FER: variants seen among roughly 807,000 people sequenced by gnomAD.
FER encodes tyrosine-protein kinase Fer.
Under a neutral mutation model 111.0 loss-of-function variants are expected in FER, and 63 were observed. The ratio of observed to expected loss-of-function variants is 0.57; its 90% CI spans 0.46 to 0.70. The LOEUF is 0.70. Among genes scored for constraint, FER ranks in the 30% least tolerant of loss-of-function variants. The probability of loss-of-function intolerance (pLI) is 0.00; values close to 1 mark genes in which losing one functional copy is unlikely to be tolerated. For synonymous variants in FER, 327 were observed against 313.9 expected (o/e 1.04, Z -0.44); for missense variants, 914 against 954.0 (o/e 0.96, Z 0.55).
intron 13 of FER, among the ~76,000 whole-genome samples, chr5:109,018,736 C>T (rs1338899688): frequency 6.6e-6 from 1 of 151,600 alleles, no homozygotes; most frequent in Non-Finnish European, 1.5e-5. Flanking sequence ...AATTATTTCC[C>T]ACAACATTGT....
At chr5:109,069,120 ATTTGCAAATATTAAACC>A (rs1457719639) in intron 16 of FER, among the ~76,000 whole-genome samples, 8 of 132,418 alleles carry the variant, frequency 6.0e-5, no homozygotes, top group Non-Finnish European at 1.4e-4. Flanking sequence ...TTTTCTTGAT[ATTTGCAAATATTAAACC>A]TTTAGATTCT....
At chr5:108,911,991 G>A (rs1319653762) in intron 10 of FER, among the ~76,000 whole-genome samples, 1 of 152,090 alleles carries the variant, frequency 6.6e-6, no homozygotes, top group Non-Finnish European at 1.5e-5. Flanking sequence ...CTGTTCTTGT[G>A]ATAGTGAATA....
At chr5:108,945,429 T>G (rs1481028302) in intron 10 of FER, among the ~76,000 whole-genome samples, 1 of 152,132 alleles carries the variant, frequency 6.6e-6, no homozygotes, top group Non-Finnish European at 1.5e-5. Context: ...TCTAAAGATT[T>G]GAAATTTTAG....
chr5:108,818,629 T>A, intron 3 of FER, among the ~76,000 whole-genome samples: 1 of 152,198 alleles, frequency 6.6e-6, no homozygotes, highest in Middle Eastern at 3.2e-3. Context: ...TTCACTGTGT[T>A]AAAGTAGTCC....
chr5:108,773,947 A>G (rs1753203127), intron 2 of FER, among the ~76,000 whole-genome samples: 1 of 151,960 alleles, frequency 6.6e-6, no homozygotes, highest in African/African-American at 2.4e-5. Context: ...TTTTACTTTA[A>G]GTTCTGGTAT....
chr5:109,075,656 C>T (rs1422280168), intron 16 of FER, among the ~76,000 whole-genome samples: 1 of 152,036 alleles, frequency 6.6e-6, no homozygotes, highest in Non-Finnish European at 1.5e-5. Context: ...ATCTCCTGAC[C>T]TCGTGATCCA....
chr5:109,004,795 C>T (rs899054976), intron 13 of FER, among the ~76,000 whole-genome samples: 6 of 152,028 alleles, frequency 3.9e-5, no homozygotes, highest in African/African-American at 1.4e-4. Context: ...CCTTATGAAA[C>T]ATTAGTGATT....
intron 13 of FER, among the ~76,000 whole-genome samples, chr5:108,960,806 G>A (rs761857756): frequency 7.2e-5 from 11 of 152,090 alleles, no homozygotes; most frequent in Non-Finnish European, 1.6e-4. Flanking sequence ...TTAAACAAGT[G>A]ATGCCACCAA....
chr5:109,137,524 T>C (rs1325231674), intron 17 of FER, among the ~76,000 whole-genome samples: 2 of 152,194 alleles, frequency 1.3e-5, no homozygotes, highest in African/African-American at 4.8e-5. Flanking sequence ...TGGCTTCCAA[T>C]TGTAGAGAAT....
intron 17 of FER, among the ~76,000 whole-genome samples, chr5:109,121,960 A>G (rs978344903): frequency 2.6e-5 from 4 of 151,448 alleles, no homozygotes; most frequent in African/African-American, 4.9e-5. Context: ...TTCATTTTCA[A>G]TTTTATTTGT....
intron 17 of FER, among the ~76,000 whole-genome samples, chr5:109,120,963 G>A (rs1002425768): frequency 6.6e-6 from 1 of 151,722 alleles, no homozygotes; most frequent in Admixed American, 6.6e-5. Flanking sequence ...TAACTTTACT[G>A]AATGTATTTT....
chr5:108,922,615 A>G (rs1287215894), intron 10 of FER, among the ~76,000 whole-genome samples: 1 of 152,194 alleles, frequency 6.6e-6, no homozygotes. Flanking sequence ...TGCTTAATGA[A>G]TATTTAAAAA....
intron 9 of FER, among the ~76,000 whole-genome samples, chr5:108,896,960 T>G (rs953028172): frequency 1.3e-5 from 2 of 152,170 alleles, no homozygotes; most frequent in African/African-American, 4.8e-5. Context: ...TGTTTACACG[T>G]GGCTTCAATG....
At chr5:108,944,787 G>A (rs1417819538) in intron 10 of FER, among the ~76,000 whole-genome samples, 2 of 151,056 alleles carry the variant, frequency 1.3e-5, no homozygotes, top group East Asian at 3.9e-4. Context: ...GAAACTTAAG[G>A]TCTCATTATT....
At chr5:108,755,886 T>C (rs549748592) in intron 1 of FER, among the ~76,000 whole-genome samples, 3 of 148,062 alleles carry the variant, frequency 2.0e-5, no homozygotes, top group African/African-American at 7.4e-5. Context: ...GCACTGTGGG[T>C]CACACCTGTA....
chr5:109,020,080 T>C (rs1465911168), intron 13 of FER, among the ~76,000 whole-genome samples: 1 of 151,990 alleles, frequency 6.6e-6, no homozygotes, highest in African/African-American at 2.4e-5. Flanking sequence ...CCCACCAGAT[T>C]TGACTCTTAA....
chr5:109,095,138 C>A (rs1205628534), intron 16 of FER, among the ~76,000 whole-genome samples: 1 of 152,048 alleles, frequency 6.6e-6, no homozygotes, highest in Non-Finnish European at 1.5e-5. Flanking sequence ...CATCGATGAA[C>A]CTCATCTGAA....
intron 18 of FER, among the ~76,000 whole-genome samples, chr5:109,181,965 C>A (rs1204391776): frequency 6.6e-6 from 1 of 152,150 alleles, no homozygotes; most frequent in Non-Finnish European, 1.5e-5. Flanking sequence ...TGTGGATTTA[C>A]CTATTCTGGG....
chr5:108,897,869 A>G lies in FER; in HGVS notation c.1236+21A>G, dbSNP rs1350324707. On this transcript the variant is annotated intron_variant, in intron 10 of 19. Transcript: ENST00000281092. ...CTATGGTAAGCTAAAGAATAATCCAATGAGAAACTTGGAAGAGTAGTGTCT... is the reference window on the plus strand; with the variant it reads ...CTATGGTAAGCTAAAGAATAATCCAGTGAGAAACTTGGAAGAGTAGTGTCT... 6 of 1,570,806 alleles carry G rather than the reference A, an allele frequency of 3.8e-6. No individual in the cohort carries two copies. The Admixed American group carries it at 7.7e-5, about 20-fold the overall frequency.
Sources: allele counts gnomAD v4.1 joint callset (sites outside exome capture counted in the v4.1 genomes callset), GRCh38; gene constraint gnomAD v4.1.1; transcripts MANE v1.5; gene names NCBI Gene and HGNC (gene_info 2026-07-23, HGNC 2026-07-21).